Variants in CNGA2 observed in about 807,000 individuals in gnomAD.
CNGA2 encodes the protein cyclic nucleotide-gated channel alpha-2.
A neutral mutation model predicts 35.9 loss-of-function variants in CNGA2; 22 were observed. The ratio of observed to expected loss-of-function variants is 0.61; its 90% CI spans 0.44 to 0.88. The LOEUF is 0.88. Among genes scored for constraint, CNGA2 ranks in the 40% least tolerant of loss-of-function variants. CNGA2 has a pLI of 0.00. For missense variants in CNGA2, 555 were observed against 530.8 expected, an observed-to-expected ratio of 1.05 and a Z score of -0.45; for synonymous variants, 217 against 209.2, an observed-to-expected ratio of 1.04 and a Z score of -0.32.
chrX:151,739,026 C>G lies in CNGA2; in HGVS notation c.203+147C>G, dbSNP rs980326452. Reference sequence around the variant, plus strand: ...TGTCACTGGTAGCCAAATTTAATTCCGTCCTCCTGAGGTCTGGGCAAACCC... The same window carrying G: ...TGTCACTGGTAGCCAAATTTAATTCGGTCCTCCTGAGGTCTGGGCAAACCC... On this transcript the variant is annotated intron_variant, in intron 3 of 6. Coordinates refer to ENST00000329903, the MANE Select transcript of CNGA2 (RefSeq NM_005140.3). 4 of 483,472 alleles carry G rather than the reference C, an allele frequency of 8.3e-6. No homozygotes were observed. The African/African-American group carries it at 9.7e-5, about 12-fold the overall frequency. The allele number at this position is 483,472 out of a possible 1,213,427, so 39.8% of individuals were successfully genotyped here.
At position 151,743,865 on chromosome X, in the gene CNGA2, C is replaced by A. The variant is rs754924882; in HGVS notation, c.1362C>A (p.Ile454=). 3.7e-5 allele frequency: 45 copies of A among 1,211,735 alleles called. No individual in the cohort carries two copies. The highest frequency in any genetic ancestry group is 5.0e-5 in the Non-Finnish European group (45 of 895,583). Residue 454 remains isoleucine (I), a synonymous_variant, in exon 7 of 7, where the codon ATC becomes ATA. Coordinates refer to ENST00000329903, the MANE Select transcript of CNGA2 (RefSeq NM_005140.3). ...VHLSTLKKVR[I]FHDCEAGLLV... ...TGTCCACACTCAAGAAAGTGCGCAT[C>A]TTCCATGATTGTGAGGCTGGCCTGC...
chrX:151,741,556 C>T (rs1167009905), intron 5 of CNGA2, among the ~76,000 whole-genome samples: 1 of 112,113 alleles, frequency 8.9e-6, no homozygotes, highest in East Asian at 2.8e-4. Context: ...CTCTGCTCTC[C>T]TGGAGCTCTC....
At chrX:151,738,925 G>C (rs1205609386) in intron 3 of CNGA2, 46 bp downstream of exon 3, 1 of 1,045,092 alleles carries the variant, frequency 9.6e-7, no homozygotes, top group East Asian at 3.3e-5. Context: ...TGTGCATGGA[G>C]CCTGTCAGGG....
chrX:151,737,578 T>C, intron 1 of CNGA2, among the ~76,000 whole-genome samples: 1 of 111,181 alleles, frequency 9.0e-6, no homozygotes, highest in East Asian at 2.9e-4. Flanking sequence ...GGTACTCTTG[T>C]CCAGCCTCCT....
rs151242964 is a variant in CNGA2, at chrX:151,744,126, C to G, written c.1623C>G (p.Arg541=). 1.6e-4 allele frequency: 190 copies of G among 1,208,018 alleles called. No homozygotes were observed. The African/African-American group carries it at 3.1e-3, about 20-fold the overall frequency. The part of the protein sequence containing the change: ...KMGNRRTANI[R]SLGYSDLFCL... Reference sequence around the variant, plus strand: ...GCAATCGACGCACAGCTAATATCCGCAGCCTGGGCTACTCAGATCTCTTCT... The same window carrying G: ...GCAATCGACGCACAGCTAATATCCGGAGCCTGGGCTACTCAGATCTCTTCT... The change falls in exon 7 of 7, where the codon CGC becomes CGG. Residue 541 remains arginine, a synonymous_variant. Coordinates refer to ENST00000329903, the MANE Select transcript of CNGA2 (RefSeq NM_005140.3).
At chrX:151,738,307 C>T in intron 1 of CNGA2, 151 bp from the exon 2 acceptor site, 1 of 440,846 alleles carries the variant, frequency 2.3e-6, no homozygotes. Context: ...CTGCTGAATC[C>T]CACTGCCCTG....
intron 4 of CNGA2, 97 bp from the exon 5 acceptor site, chrX:151,740,697 G>A: frequency 1.5e-6 from 1 of 668,517 alleles, no homozygotes; most frequent in Non-Finnish European, 2.4e-6. Context: ...CTTCGGCAGT[G>A]CTTTTGCTTT....
intron 1 of CNGA2, among the ~76,000 whole-genome samples, chrX:151,735,387 G>A (rs1380043295): frequency 8.9e-6 from 1 of 111,821 alleles, no homozygotes; most frequent in Non-Finnish European, 1.9e-5. Flanking sequence ...AGCAGCTATT[G>A]CAAACGTTCT....
chrX:151,735,983 G>A (rs2015244040), intron 1 of CNGA2, among the ~76,000 whole-genome samples: 1 of 111,363 alleles, frequency 9.0e-6, no homozygotes, highest in South Asian at 3.8e-4. Flanking sequence ...CATCTCAGGG[G>A]GAAGAAGTAC....
intron 5 of CNGA2, among the ~76,000 whole-genome samples, chrX:151,741,950 G>A (rs2015308390): frequency 8.9e-6 from 1 of 112,002 alleles, no homozygotes; most frequent in South Asian, 3.8e-4. Context: ...ATCATCCTGG[G>A]CTGTGTCCCT....
chrX:151,740,320 T>C (rs2015291861), intron 4 of CNGA2, among the ~76,000 whole-genome samples: 1 of 112,136 alleles, frequency 8.9e-6, no homozygotes, highest in Non-Finnish European at 1.9e-5. Flanking sequence ...TCTGGGGAAG[T>C]GATTTGGAGG....
At chrX:151,740,132 G>A (rs2015289931) in intron 4 of CNGA2, among the ~76,000 whole-genome samples, 1 of 112,134 alleles carries the variant, frequency 8.9e-6, no homozygotes, top group African/African-American at 3.2e-5. Context: ...GGATGGAGGA[G>A]AAGCGCTGAA....
In CNGA2 at chrX:151,743,731, A is replaced by G. The variant is rs1251210745; in HGVS notation, c.1228A>G (p.Ile410Val). ...KVSKGMEAKV[I>V]RWFDYLWTNK... ...CAGCAAGGGGATGGAAGCCAAGGTC[A>G]TTAGGTGGTTTGACTACTTGTGGAC... The change falls in exon 7 of 7, where the codon ATT becomes GTT. Residue 410 changes from isoleucine to valine, a missense_variant. By Grantham distance (29) the Ile-to-Val change is conservative. Coordinates refer to ENST00000329903, the MANE Select transcript of CNGA2 (RefSeq NM_005140.3). 1 of 1,211,834 alleles carries G rather than the reference A, an allele frequency of 8.3e-7. No individual in the cohort carries two copies. The highest frequency in any genetic ancestry group is 1.8e-5 in the South Asian group (1 of 56,935).
chrX:151,736,355 G>T (rs754260653), intron 1 of CNGA2, among the ~76,000 whole-genome samples: 32 of 112,230 alleles, frequency 2.9e-4, no homozygotes, highest in Non-Finnish European at 2.1e-4. Flanking sequence ...CTTGAGACCA[G>T]TCCAGGGCCT....
At position 151,744,400 on chromosome X, in the gene CNGA2, A is replaced by C; in HGVS notation, c.1897A>C (p.Ile633Leu). 3.3e-6 allele frequency: 4 copies of C among 1,211,054 alleles called. No individual in the cohort carries two copies. The highest frequency in any genetic ancestry group is 4.5e-6 in the Non-Finnish European group (4 of 895,248). The change falls in exon 7 of 7, where the codon ATC becomes CTC. Residue 633 changes from isoleucine (I) to leucine (L), a missense_variant. By Grantham distance (5) the Ile-to-Leu change is conservative (BLOSUM62 2). Coordinates refer to ENST00000329903, the MANE Select transcript of CNGA2 (RefSeq NM_005140.3). ...TGAQQKLKQR[I>L]TVLETKMKQN... The stretch of plus-strand genomic sequence containing the variant: ...GGCCCAGCAGAAGCTCAAGCAGCGC[A>C]TCACAGTTCTGGAAACCAAGATGAA...
rs2015343536 is a variant in CNGA2 at position 151,743,824 on chromosome X, G to A, written c.1321G>A (p.Ala441Thr). The part of the protein sequence containing the change: ...NLPAKLRAEI[A>T]INVHLSTLKK... ...GCCAGCCAAGCTCAGGGCTGAGATA[G>A]CCATCAATGTCCACTTGTCCACACT... Residue 441 changes from alanine (A) to threonine (T), a missense_variant, in exon 7 of 7, where the codon GCC becomes ACC. Coordinates refer to ENST00000329903, the MANE Select transcript of CNGA2 (RefSeq NM_005140.3). The A allele has an allele frequency of 8.3e-7, 1 of 1,211,892 alleles. No individual in the cohort carries two copies. Among genetic ancestry groups the A allele is most frequent in the Middle Eastern group, 2.3e-4 (1 of 4,355 alleles).
chrX:151,736,843 T>A (rs2015251743), intron 1 of CNGA2, among the ~76,000 whole-genome samples: 1 of 111,578 alleles, frequency 9.0e-6, no homozygotes, highest in Non-Finnish European at 1.9e-5. Context: ...GCCCTTTTGA[T>A]CTGCCAGCTT....
Position 151,738,551 on chromosome X carries a change from C to G in CNGA2, c.68C>G (p.Ala23Gly). The stretch of plus-strand genomic sequence containing the variant: ...AATCACAACCATCATGCACCTCCTG[C>G]CATCAAGGCCAATGGCAAAGATGAC... ...ANNHNHHAPP[A>G]IKANGKDDHR... is the part of the protein sequence containing the mutation. The change falls in exon 2 of 7, where the codon GCC becomes GGC. Residue 23 changes from alanine (A) to glycine (G), a missense_variant. By Grantham distance (60) the Ala-to-Gly change is moderately conservative (BLOSUM62 0). Coordinates refer to ENST00000329903, the MANE Select transcript of CNGA2 (RefSeq NM_005140.3). The G allele has an allele frequency of 8.3e-7, 1 of 1,211,473 alleles. No homozygotes were observed. The highest frequency in any genetic ancestry group is 2.2e-5 in the Admixed American group (1 of 46,056).
rs2015351322 is a variant in CNGA2, at chrX:151,744,275, C to A, written c.1772C>A (p.Thr591Asn). ...EGLLDENEVA[T>N]SMEVDVQEKL... ...CTGCTGGATGAGAACGAAGTGGCAA[C>A]CAGCATGGAGGTCGACGTGCAGGAG... The change falls in exon 7 of 7, where the codon ACC (threonine) becomes AAC (asparagine). Residue 591 changes from threonine (T) to asparagine (N), a missense_variant. Coordinates refer to ENST00000329903, the MANE Select transcript of CNGA2 (RefSeq NM_005140.3). 2 of 1,208,064 alleles carry A rather than the reference C, an allele frequency of 1.7e-6. No individual in the cohort carries two copies. Among genetic ancestry groups the A allele is most frequent in the Non-Finnish European group, 2.2e-6 (2 of 894,776 alleles).
Sources: gnomAD v4.1 joint callset for allele counts (sites outside exome capture counted in the v4.1 genomes callset) on GRCh38, gnomAD v4.1.1 for gene constraint, MANE v1.5 for transcripts, NCBI Gene and HGNC (gene_info 2026-07-23, HGNC 2026-07-21) for gene names.